IQCK: variants seen among roughly 807,000 people sequenced by gnomAD.
The protein encoded by IQCK is IQ domain-containing protein K.
IQCK carries 29 observed loss-of-function variants against 28.1 expected under a neutral mutation model. The observed-to-expected ratio is 1.03, with a 90% CI of 0.77 to 1.41. IQCK has a LOEUF of 1.41. Ranked by LOEUF, IQCK falls within the 40% of genes most tolerant of loss-of-function variation. The pLI, the probability that IQCK is intolerant of heterozygous loss-of-function variation, is 0.00. For synonymous variants in IQCK, 113 were observed against 115.1 expected (o/e 0.98, Z 0.12); for missense variants, 359 against 314.7 (o/e 1.14, Z -1.07).
At chr16:19,819,053 TG>T (rs2056028271) in intron 7 of IQCK, among the ~76,000 whole-genome samples, 1 of 152,178 alleles carries the variant, frequency 6.6e-6, no homozygotes, top group South Asian at 2.1e-4. Flanking sequence ...CAAAACCTGT[TG>T]GAGGCCTTTG....
chr16:19,826,879 G>A, intron 7 of IQCK, 147 bp from the exon 8 acceptor site: 1 of 643,528 alleles, frequency 1.6e-6, no homozygotes, highest in Non-Finnish European at 2.8e-6. Context: ...TAAGCTCTAG[G>A]AGTGTCAATA....
chr16:19,741,181 TG>T (rs2054829750), intron 4 of IQCK, among the ~76,000 whole-genome samples: 2 of 152,108 alleles, frequency 1.3e-5, no homozygotes, highest in African/African-American at 4.8e-5. Flanking sequence ...CCCTTGTGTC[TG>T]TTTTTTTCAC....
At chr16:19,775,067 G>T (rs1216246439) in intron 6 of IQCK, among the ~76,000 whole-genome samples, 2 of 151,722 alleles carry the variant, frequency 1.3e-5, no homozygotes, top group Non-Finnish European at 2.9e-5. Context: ...CTCTACTAAA[G>T]ATACAAAACA....
In IQCK at chr16:19,825,619, C is replaced by T. The variant is rs767716601; in HGVS notation, c.691-1407C>T. On this transcript the variant is annotated intron_variant, in intron 7 of 7. Coordinates refer to ENST00000564186, the Ensembl canonical transcript of IQCK. This position sits in a 1 kb window ranked among gnomAD's most constrained non-coding sequence, Gnocchi z 4.2. Reference sequence around the variant, plus strand: ...AAGGCTTGAGCCCAGGAGTTTGAGACCAGCCTGGGCAACATGGCAAGACTC... The same window carrying T: ...AAGGCTTGAGCCCAGGAGTTTGAGATCAGCCTGGGCAACATGGCAAGACTC... Among the ~76,000 whole-genome samples the T allele has an allele frequency of 6.6e-6, 1 of 152,036 alleles. No individual in the cohort carries two copies. Among genetic ancestry groups the T allele is most frequent in the Non-Finnish European group, 1.5e-5 (1 of 68,014 alleles).
At chr16:19,776,335 A>G (rs779333677) in intron 6 of IQCK, among the ~76,000 whole-genome samples, 3 of 152,094 alleles carry the variant, frequency 2.0e-5, no homozygotes, top group Non-Finnish European at 4.4e-5. Context: ...ATTCTGCTCT[A>G]CTTCCCCTTC....
At chr16:19,809,038 G>C (rs865842650) in intron 7 of IQCK, among the ~76,000 whole-genome samples, 1 of 152,218 alleles carries the variant, frequency 6.6e-6, no homozygotes, top group Middle Eastern at 3.4e-3. Flanking sequence ...TCTGTATTTA[G>C]TAGAGACGGG....
intron 7 of IQCK, among the ~76,000 whole-genome samples, chr16:19,820,544 G>A (rs2056058012): frequency 1.3e-5 from 2 of 151,886 alleles, no homozygotes; most frequent in South Asian, 2.1e-4. Flanking sequence ...AGCTACTCGG[G>A]AGGCTGAGGC....
chr16:19,755,717 C>T (rs1246172832), intron 4 of IQCK, among the ~76,000 whole-genome samples: 1 of 152,234 alleles, frequency 6.6e-6, no homozygotes, highest in Non-Finnish European at 1.5e-5. Flanking sequence ...GAGAGATTCT[C>T]ATTTTCCCCA....
At chr16:19,734,869 C>A (rs953037918) in intron 3 of IQCK, among the ~76,000 whole-genome samples, 2 of 151,996 alleles carry the variant, frequency 1.3e-5, no homozygotes, top group African/African-American at 4.8e-5. Flanking sequence ...TACTGCAGAT[C>A]TGAGTCGTAG....
At chr16:19,842,928 G>A (rs2056377471) in intron 9 of IQCK, among the ~76,000 whole-genome samples, 1 of 152,164 alleles carries the variant, frequency 6.6e-6, no homozygotes, top group African/African-American at 2.4e-5. Flanking sequence ...GTATGGGGAA[G>A]AACATTAAAC....
intron 4 of IQCK, among the ~76,000 whole-genome samples, chr16:19,741,197 C>T (rs2054830014): frequency 6.6e-6 from 1 of 152,014 alleles, no homozygotes; most frequent in Non-Finnish European, 1.5e-5. Flanking sequence ...TTTCACTCCT[C>T]TGAAATAAGA....
rs553567349 is a variant in IQCK at position 19,764,752 on chromosome 16, G to A, written c.605+640G>A. Among the ~76,000 whole-genome samples the A allele has an allele frequency of 3.4e-5, 5 of 146,454 alleles. No homozygotes were observed. The South Asian group carries it at 8.7e-4, about 25-fold the overall frequency. On this transcript the variant is annotated intron_variant, in intron 6 of 7. Coordinates refer to ENST00000564186, the Ensembl canonical transcript of IQCK. ...GTCACCCAGGCTGGAGTGCAGTGAC[G>A]CGATCTTGGCTTACTGCAAGCTCCA...
At chr16:19,718,580 C>T (rs1977343508) in intron 1 of IQCK, 93 bp downstream of exon 1, 3 of 1,180,668 alleles carry the variant, frequency 2.5e-6, no homozygotes, top group African/African-American at 1.6e-5. Flanking sequence ...TGTCGGCTGA[C>T]GGGCGGGGCC....
At chr16:19,819,823 C>G (rs1047749019) in intron 7 of IQCK, among the ~76,000 whole-genome samples, 1 of 151,830 alleles carries the variant, frequency 6.6e-6, no homozygotes, top group Non-Finnish European at 1.5e-5. Flanking sequence ...ACCATTCTTG[C>G]TAATACGGTG....
intron 7 of IQCK, among the ~76,000 whole-genome samples, chr16:19,803,386 G>A (rs1435857497): frequency 3.3e-5 from 5 of 151,916 alleles, no homozygotes; most frequent in Admixed American, 2.0e-4. Context: ...CAAGTGATAC[G>A]CCCACCTCAG....
chr16:19,852,956 C>T (rs2056504926), intron 9 of IQCK, among the ~76,000 whole-genome samples: 1 of 152,122 alleles, frequency 6.6e-6, no homozygotes, highest in South Asian at 2.1e-4. Flanking sequence ...CAAGTTGATG[C>T]GTGTGGCTTC....
At chr16:19,751,058 T>C (rs1451745169) in intron 4 of IQCK, among the ~76,000 whole-genome samples, 3 of 151,960 alleles carry the variant, frequency 2.0e-5, no homozygotes, top group Non-Finnish European at 4.4e-5. Context: ...CCCTAGGAAG[T>C]CTCCTGAAAT....
At chr16:19,767,867 G>A (rs190305579) in intron 6 of IQCK, among the ~76,000 whole-genome samples, 227 of 151,892 alleles carry the variant, frequency 1.5e-3, no homozygotes, top group African/African-American at 5.2e-3. Flanking sequence ...GTGACAGAGC[G>A]AGACTCCATC....
At position 19,760,747 on chromosome 16, in the gene IQCK, T is replaced by G. The variant is rs549562923; in HGVS notation, c.475-3101T>G. Reference sequence around the variant, plus strand: ...TCTTGGATCTTGTGCAAGAAAAAATTCAGGGCAAGTCCGTAAAGTGAAAGC... The same window carrying G: ...TCTTGGATCTTGTGCAAGAAAAAATGCAGGGCAAGTCCGTAAAGTGAAAGC... On this transcript the variant is annotated intron_variant, in intron 4 of 7. Coordinates refer to ENST00000564186, the Ensembl canonical transcript of IQCK. 2.0e-5 allele frequency among the ~76,000 whole-genome samples: 3 copies of G among 152,196 alleles called. No individual in the cohort carries two copies. The South Asian group carries it at 6.2e-4, about 32-fold the overall frequency.
Sources: allele counts gnomAD v4.1 joint callset (sites outside exome capture counted in the v4.1 genomes callset), GRCh38; gene constraint gnomAD v4.1.1; non-coding constraint Gnocchi (gnomAD v3.1); transcripts MANE v1.5; gene names NCBI Gene and HGNC (gene_info 2026-07-23, HGNC 2026-07-21).